The following ATE1 variants were observed in gnomAD, a reference collection of about 807,000 sequenced individuals.
ATE1 encodes the protein arginyltransferase 1.
ATE1 carries 36 observed loss-of-function variants against 70.5 expected under a neutral mutation model. The observed-to-expected ratio is 0.51, with a 90% CI of 0.39 to 0.67. The LOEUF (loss-of-function observed/expected upper bound fraction) is 0.67. Ranked by LOEUF, ATE1 falls within the 30% of genes least tolerant of loss-of-function variation. The pLI is 0.00. For synonymous variants in ATE1, 232 were observed against 219.3 expected (o/e 1.06, Z -0.51); for missense variants, 593 against 629.5 (o/e 0.94, Z 0.62).
At chr10:121,764,684 C>T (rs750408985) in intron 11 of ATE1, among the ~76,000 whole-genome samples, 1 of 152,098 alleles carries the variant, frequency 6.6e-6, no homozygotes, top group Non-Finnish European at 1.5e-5. Context: ...GAGCCCAAAG[C>T]CTCCCTACTG....
At chr10:121,880,771 T>C (rs1002908701) in intron 7 of ATE1, among the ~76,000 whole-genome samples, 1 of 152,164 alleles carries the variant, frequency 6.6e-6, no homozygotes, top group African/African-American at 2.4e-5. Flanking sequence ...TTATTTGGCA[T>C]ATATAATGAA....
chr10:121,883,845 C>A (rs939388324), intron 7 of ATE1, among the ~76,000 whole-genome samples: 4 of 151,990 alleles, frequency 2.6e-5, no homozygotes, highest in Admixed American at 2.0e-4. Flanking sequence ...TGGTTCACGA[C>A]TGGAATCCCA....
chr10:121,809,098 G>T (rs1590356606), intron 10 of ATE1, among the ~76,000 whole-genome samples: 1 of 152,178 alleles, frequency 6.6e-6, no homozygotes, highest in Non-Finnish European at 1.5e-5. Context: ...TCTCATCAGA[G>T]AATTCTTTAA....
Position 121,792,523 on chromosome 10 carries a change from T to A in ATE1, c.1258-2234A>T, listed in dbSNP as rs532134344. Among the ~76,000 whole-genome samples the A allele has an allele frequency of 2.0e-5, 3 of 152,346 alleles. No individual in the cohort carries two copies. In the East Asian group the frequency reaches 5.8e-4, roughly 29 times the overall value. ...TGCCCTACAGCAGTAGAAGGCCATC[T>A]ACCACGGGCAGCTCCAGGTGGTCTA... On this transcript the variant is annotated intron_variant, in intron 10 of 11. Transcript: ENST00000224652.
At chr10:121,820,799 G>A (rs1194213202) in intron 10 of ATE1, among the ~76,000 whole-genome samples, 1 of 152,176 alleles carries the variant, frequency 6.6e-6, no homozygotes, top group African/African-American at 2.4e-5. Context: ...GCATGGCAGT[G>A]TCCTTAAGAA....
chr10:121,859,447 G>A lies in ATE1; in HGVS notation c.975+10559C>T, dbSNP rs887445280. Among the ~76,000 whole-genome samples, 5 of 151,572 alleles carry A rather than the reference G, an allele frequency of 3.3e-5. No homozygotes were observed. The East Asian group carries it at 7.9e-4, about 24-fold the overall frequency. On this transcript the variant is annotated intron_variant, in intron 8 of 11. Transcript: ENST00000224652. ...AATTTTTTGTATTTTTAGTAGAGACGGGGTTTCACCGTTTTAGCCGGGATG... is the reference window on the plus strand; with the variant it reads ...AATTTTTTGTATTTTTAGTAGAGACAGGGTTTCACCGTTTTAGCCGGGATG...
chr10:121,842,255 A>G lies in ATE1; in HGVS notation c.976-992T>C, dbSNP rs1253651296. ...TCTTCCTGTAAATATAGCTAGTTAAATGACATTTCTCATTTTAAAATTCAA... is the reference window on the plus strand; with the variant it reads ...TCTTCCTGTAAATATAGCTAGTTAAGTGACATTTCTCATTTTAAAATTCAA... On this transcript the variant is annotated intron_variant, in intron 8 of 11. Transcript: ENST00000224652. 5.9e-5 allele frequency among the ~76,000 whole-genome samples: 9 copies of G among 152,246 alleles called. No individual in the cohort carries two copies. The East Asian group carries it at 1.7e-3, about 29-fold the overall frequency.
intron 10 of ATE1, among the ~76,000 whole-genome samples, chr10:121,812,845 A>G (rs909366739): frequency 3.2e-4 from 49 of 152,342 alleles, no homozygotes; most frequent in African/African-American, 1.2e-3. Flanking sequence ...AAAAGTAATG[A>G]TTAGCTATCT....
chr10:121,841,052 C>T, intron 9 of ATE1, 30 bp downstream of exon 9: 1 of 1,458,836 alleles, frequency 6.9e-7, no homozygotes, highest in Non-Finnish European at 9.2e-7. Context: ...CTATATAACC[C>T]ACTACAATAA....
intron 10 of ATE1, among the ~76,000 whole-genome samples, chr10:121,820,496 C>A (rs1415485258): frequency 3.3e-5 from 5 of 152,176 alleles, no homozygotes; most frequent in Non-Finnish European, 7.3e-5. Flanking sequence ...GTGTTTTAAT[C>A]ATTCTCTTAA....
At chr10:121,833,583 G>A (rs1284457020) in intron 10 of ATE1, among the ~76,000 whole-genome samples, 1 of 151,534 alleles carries the variant, frequency 6.6e-6, no homozygotes, top group Non-Finnish European at 1.5e-5. Context: ...AGAGATTACT[G>A]GAGTTGAAAA....
At chr10:121,819,679 CAAAAAAAAA>C (rs57035123) in intron 10 of ATE1, among the ~76,000 whole-genome samples, 4 of 52,722 alleles carry the variant, frequency 7.6e-5, no homozygotes, top group South Asian at 1.1e-3. Context: ...AAGACTGTCT[CAAAAAAAAA>C]AAAAAAAAAA....
chr10:121,882,109 T>C (rs925941661), intron 7 of ATE1, among the ~76,000 whole-genome samples: 1 of 152,152 alleles, frequency 6.6e-6, no homozygotes, highest in African/African-American at 2.4e-5. Context: ...AGGTTTTCTG[T>C]GGCATAAAAG....
intron 10 of ATE1, among the ~76,000 whole-genome samples, chr10:121,832,377 G>A (rs1287445287): frequency 6.6e-6 from 1 of 152,140 alleles, no homozygotes; most frequent in Non-Finnish European, 1.5e-5. Flanking sequence ...TTACTTAAAG[G>A]TTCCCTACGT....
intron 10 of ATE1, among the ~76,000 whole-genome samples, chr10:121,811,873 C>T (rs995650363): frequency 4.0e-5 from 6 of 151,438 alleles, no homozygotes; most frequent in Admixed American, 6.6e-5. Flanking sequence ...AATGTAACTA[C>T]GTGGTGCTAT....
At chr10:121,913,129 T>A (rs1590711295) in intron 4 of ATE1, among the ~76,000 whole-genome samples, 1 of 152,268 alleles carries the variant, frequency 6.6e-6, no homozygotes, top group Non-Finnish European at 1.5e-5. Context: ...TCCGCCTGCC[T>A]CGGCCTCCCA....
In ATE1 at chr10:121,791,018, G is replaced by GTGTGTATA. The variant is rs1946417611; in HGVS notation, c.1258-737_1258-730dup. 3.3e-5 allele frequency among the ~76,000 whole-genome samples: 5 copies of GTGTGTATA among 150,016 alleles called. No homozygotes were observed. The South Asian group carries it at 1.0e-3, about 32-fold the overall frequency. On this transcript the variant is annotated intron_variant, in intron 10 of 11. Transcript: ENST00000224652. Reference sequence around the variant, plus strand: ...CATATATGTGTATATATGTATACATGTGTGTATATATGTATATATGTGTAT... The same window carrying GTGTGTATA: ...CATATATGTGTATATATGTATACATGTGTGTATATGTGTATATATGTATATATGTGTAT...
intron 10 of ATE1, among the ~76,000 whole-genome samples, chr10:121,825,611 G>C (rs1017388564): frequency 6.6e-6 from 1 of 152,154 alleles, no homozygotes; most frequent in Non-Finnish European, 1.5e-5. Flanking sequence ...CTTAGGAAGA[G>C]ACACAAACCA....
chr10:121,812,128 G>A (rs1353926817), intron 10 of ATE1, among the ~76,000 whole-genome samples: 1 of 151,580 alleles, frequency 6.6e-6, no homozygotes, highest in Non-Finnish European at 1.5e-5. Context: ...ACTAATTTTT[G>A]TATTTTTTGT....
Sources: allele counts gnomAD v4.1 joint callset (sites outside exome capture counted in the v4.1 genomes callset), GRCh38; gene constraint gnomAD v4.1.1; transcripts MANE v1.5; gene names NCBI Gene and HGNC (gene_info 2026-07-23, HGNC 2026-07-21).